ATG10: variants seen among roughly 807,000 people sequenced by gnomAD.
The protein encoded by ATG10 is ubiquitin-like-conjugating enzyme ATG10.
In ATG10, 30 loss-of-function variants were observed where a neutral mutation model predicts 32.1. That is an observed-to-expected ratio of 0.94 (90% CI 0.70 to 1.27). ATG10 has a LOEUF of 1.27. Ranked by LOEUF, ATG10 falls within the 50% of genes most tolerant of loss-of-function variation. The pLI is 0.00. For synonymous variants in ATG10, 87 were observed against 91.5 expected (o/e 0.95, Z 0.28); for missense variants, 233 against 262.3 (o/e 0.89, Z 0.77).
chr5:81,987,045 AAAC>A (rs1176795176), intron 1 of ATG10, among the ~76,000 whole-genome samples: 1 of 152,218 alleles, frequency 6.6e-6, no homozygotes, highest in Non-Finnish European at 1.5e-5. Flanking sequence ...TTCATCTCAA[AAAC>A]AACAATAACA....
At chr5:82,106,945 T>A (rs924381387) in intron 3 of ATG10, among the ~76,000 whole-genome samples, 1 of 152,006 alleles carries the variant, frequency 6.6e-6, no homozygotes, top group Non-Finnish European at 1.5e-5. Flanking sequence ...TAGAAAAGGT[T>A]CTTTCAGCAA....
chr5:82,204,712 T>G (rs550706711), intron 5 of ATG10, among the ~76,000 whole-genome samples: 1 of 152,080 alleles, frequency 6.6e-6, no homozygotes, highest in African/African-American at 2.4e-5. Flanking sequence ...GAAGCTACAT[T>G]TAAGAGGTGG....
chr5:82,172,903 C>T (rs1220899368), intron 4 of ATG10, among the ~76,000 whole-genome samples: 4 of 152,196 alleles, frequency 2.6e-5, no homozygotes, highest in Non-Finnish European at 4.4e-5. Flanking sequence ...GCACTCATTT[C>T]ATATCACAAT....
chr5:82,164,324 C>CTG, intron 3 of ATG10, 75 bp from the exon 4 acceptor site: 2 of 1,164,080 alleles, frequency 1.7e-6, no homozygotes, highest in Non-Finnish European at 2.5e-6. Flanking sequence ...AGAAGAAAAT[C>CTG]TCCTCTTTTC....
Position 82,182,519 on chromosome 5 carries a change from A to G in ATG10, c.453+3932A>G, listed in dbSNP as rs146176520. Among the ~76,000 whole-genome samples, 196 of 152,310 alleles carry G rather than the reference A, an allele frequency of 1.3e-3. 2 individuals carry two copies. Among genetic ancestry groups the G allele is most frequent in the East Asian group, 4.4e-3 (23 of 5,190 alleles). On this transcript the variant is annotated intron_variant, in intron 5 of 7. Coordinates refer to ENST00000282185, the MANE Select transcript of ATG10 (RefSeq NM_031482.5). The stretch of plus-strand genomic sequence containing the variant: ...AAACAGAGAGTAGCATACCATTACC[A>G]TGGAATACTACTTAGCAATAAAAAG...
Position 82,121,941 on chromosome 5 carries a change from G to GTTTTTTTTTTTTTTTTTTTTTTTTTT in ATG10, c.217-42439_217-42438insTTTTTTTTTTTTTTTTTTTTTTTTTT, listed in dbSNP as rs77349086. Among the ~76,000 whole-genome samples the GTTTTTTTTTTTTTTTTTTTTTTTTTT allele has an allele frequency of 1.3e-4, 16 of 120,998 alleles. 1 individual carries two copies. The highest frequency in any genetic ancestry group is 4.3e-4 in the African/African-American group (13 of 30,480). The allele number at this position is 120,998 out of a possible 152,430, so 79.4% of individuals were successfully genotyped here. The stretch of plus-strand genomic sequence containing the variant: ...GATTTTGCATCAATATTGGCCTGAA[G>GTTTTTTTTTTTTTTTTTTTTTTTTTT]TTTTTTTTTTTTTTTTTTTATGTCT... On this transcript the variant is annotated intron_variant, in intron 3 of 7. Coordinates refer to ENST00000282185, the MANE Select transcript of ATG10 (RefSeq NM_031482.5).
chr5:82,153,394 T>C (rs905038059), intron 3 of ATG10, among the ~76,000 whole-genome samples: 2 of 152,136 alleles, frequency 1.3e-5, no homozygotes, highest in East Asian at 1.9e-4. Context: ...AAGCAGAAAC[T>C]ATTGCTGGGG....
intron 2 of ATG10, among the ~76,000 whole-genome samples, chr5:82,017,549 G>A (rs1275601265): frequency 6.6e-6 from 1 of 152,164 alleles, no homozygotes; most frequent in East Asian, 1.9e-4. Flanking sequence ...GTTTGTCATA[G>A]ATGGCTTTTT....
chr5:82,039,769 C>G (rs2149725836), intron 2 of ATG10, among the ~76,000 whole-genome samples: 1 of 152,312 alleles, frequency 6.6e-6, no homozygotes, highest in African/African-American at 2.4e-5. Flanking sequence ...AACAAACTAT[C>G]CCAAAACTAG....
chr5:82,132,922 G>A (rs1766599848), intron 3 of ATG10, among the ~76,000 whole-genome samples: 1 of 152,026 alleles, frequency 6.6e-6, no homozygotes, highest in African/African-American at 2.4e-5. Context: ...ACTTTCTAAT[G>A]GTCGCCATTC....
chr5:81,972,885 G>C (rs1397501567), intron 1 of ATG10, among the ~76,000 whole-genome samples: 1 of 152,122 alleles, frequency 6.6e-6, no homozygotes, highest in Admixed American at 6.5e-5. Flanking sequence ...AAAAGTATTG[G>C]AAATAAGGCA....
intron 3 of ATG10, among the ~76,000 whole-genome samples, chr5:82,082,986 C>T (rs1032032580): frequency 3.9e-5 from 6 of 152,202 alleles, no homozygotes; most frequent in African/African-American, 1.4e-4. Context: ...GTTCATCTCA[C>T]TGGGGCTTGT....
intron 3 of ATG10, among the ~76,000 whole-genome samples, chr5:82,122,358 C>T (rs370249760): frequency 1.6e-4 from 24 of 151,964 alleles, no homozygotes; most frequent in African/African-American, 2.2e-4. Context: ...ATACAAAAAT[C>T]GACTCACGGT....
intron 3 of ATG10, among the ~76,000 whole-genome samples, chr5:82,141,599 C>G (rs1378072980): frequency 6.6e-6 from 1 of 151,728 alleles, no homozygotes; most frequent in Non-Finnish European, 1.5e-5. Context: ...AAAAAATAAG[C>G]TAAACTGGGC....
chr5:82,227,431 G>A (rs1746177425), intron 5 of ATG10, among the ~76,000 whole-genome samples: 1 of 152,030 alleles, frequency 6.6e-6, no homozygotes, highest in Non-Finnish European at 1.5e-5. Flanking sequence ...CTGGAGTGCA[G>A]TGGTGCGATC....
At chr5:82,155,001 CA>C (rs1188478747) in intron 3 of ATG10, among the ~76,000 whole-genome samples, 1 of 152,204 alleles carries the variant, frequency 6.6e-6, no homozygotes, top group Non-Finnish European at 1.5e-5. Context: ...AACATTCCTA[CA>C]ATGCTTGCCT....
At chr5:82,211,462 C>G (rs2149979337) in intron 5 of ATG10, among the ~76,000 whole-genome samples, 1 of 152,270 alleles carries the variant, frequency 6.6e-6, no homozygotes, top group South Asian at 2.1e-4. Flanking sequence ...TCCCAGTTCT[C>G]CCTTCCCTGC....
intron 3 of ATG10, among the ~76,000 whole-genome samples, chr5:82,124,444 C>T (rs1766177594): frequency 6.6e-6 from 1 of 151,768 alleles, no homozygotes; most frequent in South Asian, 2.1e-4. Flanking sequence ...TGTTATCCCT[C>T]CCATTGTCCC....
chr5:82,056,106 A>C (rs1439217238), intron 2 of ATG10, among the ~76,000 whole-genome samples: 1 of 152,130 alleles, frequency 6.6e-6, no homozygotes. Context: ...GTATATGGTA[A>C]ATCTTTTATA....
Sources: allele counts gnomAD v4.1 joint callset (sites outside exome capture counted in the v4.1 genomes callset), GRCh38; gene constraint gnomAD v4.1.1; transcripts MANE v1.5; gene names NCBI Gene and HGNC (gene_info 2026-07-23, HGNC 2026-07-21).